Variants in TRAPPC12 observed in about 807,000 individuals in gnomAD.
TRAPPC12 encodes TPR repeat protein 15.
TRAPPC12 carries 61 observed loss-of-function variants against 69.2 expected under a neutral mutation model. The observed-to-expected ratio is 0.88, with a 90% CI of 0.72 to 1.09. TRAPPC12 has a LOEUF of 1.09. Among genes scored for constraint, TRAPPC12 ranks in the 50% least tolerant of loss-of-function variants. TRAPPC12 has a pLI of 0.00. For synonymous variants in TRAPPC12, 469 were observed against 438.9 expected, an observed-to-expected ratio of 1.07 and a Z score of -0.86; for missense variants, 1,101 against 1,016.4, an observed-to-expected ratio of 1.08 and a Z score of -1.13.
intron 5 of TRAPPC12, among the ~76,000 whole-genome samples, chr2:3,436,470 CCT>C (rs1663783939): frequency 6.6e-6 from 1 of 151,656 alleles, no homozygotes; most frequent in East Asian, 1.9e-4. Context: ...TTCTATATAC[CCT>C]CTTTTCTTCT....
At chr2:3,392,110 G>A (rs1247666284) in intron 2 of TRAPPC12, among the ~76,000 whole-genome samples, 1 of 152,184 alleles carries the variant, frequency 6.6e-6, no homozygotes, top group African/African-American at 2.4e-5. Context: ...ATGACATTTA[G>A]TGAGTAGGGC....
rs1163976413 is a variant in TRAPPC12, at chr2:3,478,975, C to T, written c.1965+42C>T. 2.5e-6 allele frequency: 4 copies of T among 1,591,068 alleles called. No homozygotes were observed. In the African/African-American group the frequency reaches 5.4e-5, roughly 21 times the overall value. On this transcript the variant is annotated intron_variant, in intron 11 of 11. Transcript: ENST00000324266. ...GCAGGATCCTCCATCCTCTGCCTTT[C>T]ACAGACGCTAGAAACATACACCCAC...
At chr2:3,418,762 C>T (rs1041310111) in intron 3 of TRAPPC12, among the ~76,000 whole-genome samples, 4 of 152,328 alleles carry the variant, frequency 2.6e-5, no homozygotes, top group Admixed American at 2.0e-4. Context: ...CATAGCTTTA[C>T]TCACATCTAC....
chr2:3,458,709 T>C (rs1442498300), intron 7 of TRAPPC12, among the ~76,000 whole-genome samples: 1 of 152,158 alleles, frequency 6.6e-6, no homozygotes, highest in Non-Finnish European at 1.5e-5. Flanking sequence ...CAACCAGTCA[T>C]TTTACCCCTG....
chr2:3,433,556 C>T (rs967540133), intron 5 of TRAPPC12, among the ~76,000 whole-genome samples: 1 of 152,154 alleles, frequency 6.6e-6, no homozygotes, highest in Non-Finnish European at 1.5e-5. Context: ...TAGTGAGTGG[C>T]GGAAGGTAGC....
intron 2 of TRAPPC12, 145 bp from the exon 3 acceptor site, chr2:3,401,632 T>C (rs145471306): frequency 8.8e-6 from 4 of 453,302 alleles, no homozygotes; most frequent in African/African-American, 8.0e-5. Context: ...TTCTGGTTAA[T>C]TGAAGTTTTA....
At chr2:3,444,002 T>C in intron 6 of TRAPPC12, 111 bp downstream of exon 6, 1 of 752,400 alleles carries the variant, frequency 1.3e-6, no homozygotes, top group Non-Finnish European at 2.2e-6. Context: ...GCACCATCGC[T>C]GCTTCTGCCT....
At chr2:3,422,876 G>C (rs1272086054) in intron 4 of TRAPPC12, among the ~76,000 whole-genome samples, 2 of 152,348 alleles carry the variant, frequency 1.3e-5, no homozygotes, top group African/African-American at 4.8e-5. Flanking sequence ...CTTAGTTCAA[G>C]TTTCTTTATT....
chr2:3,453,275 G>C (rs1664946733), intron 6 of TRAPPC12, among the ~76,000 whole-genome samples: 1 of 152,184 alleles, frequency 6.6e-6, no homozygotes, highest in Non-Finnish European at 1.5e-5. Context: ...CACCCACACT[G>C]CCGGCGCCTG....
intron 5 of TRAPPC12, among the ~76,000 whole-genome samples, chr2:3,429,900 C>G (rs1181245861): frequency 6.6e-6 from 1 of 152,116 alleles, no homozygotes; most frequent in African/African-American, 2.4e-5. Flanking sequence ...AATGAAAGTA[C>G]CCATTGCTGA....
chr2:3,436,741 AC>A (rs1343347388), intron 5 of TRAPPC12, among the ~76,000 whole-genome samples: 7 of 96,692 alleles, frequency 7.2e-5, no homozygotes, highest in African/African-American at 1.2e-4. Flanking sequence ...CTGGATTAAT[AC>A]CCCCATCACC....
chr2:3,390,548 T>A (rs934567373), intron 2 of TRAPPC12, among the ~76,000 whole-genome samples: 4 of 152,186 alleles, frequency 2.6e-5, no homozygotes, highest in African/African-American at 9.7e-5. Flanking sequence ...AATGGAATAT[T>A]TATGTAAGTT....
At position 3,388,347 on chromosome 2, in the gene TRAPPC12, T is replaced by A; in HGVS notation, c.724T>A (p.Ser242Thr). The change falls in exon 2 of 12, where the codon TCC becomes ACC. Residue 242 changes from serine to threonine, a missense_variant. Coordinates refer to ENST00000324266, the MANE Select transcript of TRAPPC12 (RefSeq NM_016030.6). ...FISVSNPGAGSPAPASPPPLA... is the reference protein window; with the variant it reads ...FISVSNPGAGTPAPASPPPLA... Reference sequence around the variant, plus strand: ...TTCCGTCAGCAATCCCGGCGCGGGCTCCCCGGCCCCCGCCAGCCCGCCTCC... The same window carrying A: ...TTCCGTCAGCAATCCCGGCGCGGGCACCCCGGCCCCCGCCAGCCCGCCTCC... 6.3e-7 allele frequency: 1 copy of A among 1,574,986 alleles called. No individual in the cohort carries two copies. Among genetic ancestry groups the A allele is most frequent in the African/African-American group, 1.4e-5 (1 of 72,694 alleles).
At chr2:3,452,317 G>A (rs562298086) in intron 6 of TRAPPC12, among the ~76,000 whole-genome samples, 2 of 152,340 alleles carry the variant, frequency 1.3e-5, no homozygotes, top group African/African-American at 2.4e-5. Flanking sequence ...GCCTTGCACG[G>A]CCGGGTCTCA....
chr2:3,451,179 G>A (rs1664831421), intron 6 of TRAPPC12, among the ~76,000 whole-genome samples: 1 of 152,210 alleles, frequency 6.6e-6, no homozygotes, highest in Non-Finnish European at 1.5e-5. Context: ...CAAAACACAA[G>A]CAGGTTTTTA....
intron 1 of TRAPPC12, among the ~76,000 whole-genome samples, chr2:3,383,084 G>T (rs1264551894): frequency 6.6e-6 from 1 of 152,124 alleles, no homozygotes; most frequent in Admixed American, 6.5e-5. Context: ...CAACATGGAT[G>T]TTCAAAGGTA....
chr2:3,447,511 C>G (rs2103109363), intron 6 of TRAPPC12, among the ~76,000 whole-genome samples: 1 of 152,186 alleles, frequency 6.6e-6, no homozygotes, highest in South Asian at 2.1e-4. Flanking sequence ...TTTTGACAAT[C>G]AGATCCCAAG....
chr2:3,406,233 C>T (rs144598971), intron 3 of TRAPPC12, among the ~76,000 whole-genome samples: 46 of 152,260 alleles, frequency 3.0e-4, no homozygotes, highest in African/African-American at 8.4e-4. Flanking sequence ...TCGGAGTAAG[C>T]GCAAAAACCC....
chr2:3,475,272 G>A (rs1418948375), intron 9 of TRAPPC12, among the ~76,000 whole-genome samples: 1 of 151,030 alleles, frequency 6.6e-6, no homozygotes, highest in African/African-American at 2.5e-5. Flanking sequence ...GCCACACCTG[G>A]CTAATTTTCT....
Sources: gnomAD v4.1 joint callset for allele counts (sites outside exome capture counted in the v4.1 genomes callset) on GRCh38, gnomAD v4.1.1 for gene constraint, MANE v1.5 for transcripts, NCBI Gene and HGNC (gene_info 2026-07-23, HGNC 2026-07-21) for gene names.